Variants in KCNIP4 observed in about 807,000 individuals in gnomAD.
KCNIP4 encodes the protein potassium voltage-gated channel interacting protein 4.
KCNIP4 carries 12 observed loss-of-function variants against 34.0 expected under a neutral mutation model. That is an observed-to-expected ratio of 0.35 (90% confidence interval 0.23 to 0.57). The LOEUF (loss-of-function observed/expected upper bound fraction) is 0.57, where lower values mean the gene tolerates loss of function less well. KCNIP4 is among the 20% of genes least tolerant of loss of function. The pLI is 0.83. For synonymous variants in KCNIP4, 124 were observed against 102.2 expected (o/e 1.21, Z -1.29); for missense variants, 238 against 311.7 (o/e 0.76, Z 1.78).
chr4:20,768,415 T>C (rs1755600907), intron 3 of KCNIP4, among the ~76,000 whole-genome samples: 1 of 152,158 alleles, frequency 6.6e-6, no homozygotes, highest in South Asian at 2.1e-4. Flanking sequence ...AAAACACTTC[T>C]TATTTCAACA....
At chr4:20,754,111 A>G (rs190560414) in intron 4 of KCNIP4, among the ~76,000 whole-genome samples, 62 of 152,310 alleles carry the variant, frequency 4.1e-4, no homozygotes, top group Admixed American at 1.0e-3. Context: ...TTGTGTAACC[A>G]TATAGGCAAT....
At chr4:21,184,531 G>T (rs1158015741) in intron 1 of KCNIP4, among the ~76,000 whole-genome samples, 3 of 152,102 alleles carry the variant, frequency 2.0e-5, no homozygotes, top group Non-Finnish European at 4.4e-5. Flanking sequence ...TAATGAAGAC[G>T]AGAGATGGGA....
At chr4:21,631,320 A>C (rs1745752562) in intron 1 of KCNIP4, among the ~76,000 whole-genome samples, 1 of 152,194 alleles carries the variant, frequency 6.6e-6, no homozygotes, top group Non-Finnish European at 1.5e-5. Flanking sequence ...TATTTTAATT[A>C]ATGACATTTT....
At chr4:20,900,359 A>G (rs1484730067) in intron 1 of KCNIP4, among the ~76,000 whole-genome samples, 3 of 152,212 alleles carry the variant, frequency 2.0e-5, no homozygotes, top group Non-Finnish European at 4.4e-5. Flanking sequence ...GAGTGTGTAC[A>G]TTAACCTGGT....
intron 1 of KCNIP4, among the ~76,000 whole-genome samples, chr4:21,812,151 A>G (rs1194275384): frequency 6.6e-6 from 1 of 152,226 alleles, no homozygotes; most frequent in Non-Finnish European, 1.5e-5. Context: ...AGTTCTACAA[A>G]AAGAGGCTAC....
At chr4:21,764,622 G>A (rs928503323) in intron 1 of KCNIP4, among the ~76,000 whole-genome samples, 2 of 152,118 alleles carry the variant, frequency 1.3e-5, no homozygotes, top group African/African-American at 2.4e-5. Flanking sequence ...TGAGAGGGTG[G>A]TGATGGCTTT....
chr4:21,664,262 C>T (rs2108995338), intron 1 of KCNIP4, among the ~76,000 whole-genome samples: 1 of 152,188 alleles, frequency 6.6e-6, no homozygotes, highest in Admixed American at 6.5e-5. Flanking sequence ...CTTCTGATAC[C>T]TCTATTGCTA....
At chr4:21,912,760 T>C (rs1426224187) in intron 1 of KCNIP4, among the ~76,000 whole-genome samples, 2 of 151,510 alleles carry the variant, frequency 1.3e-5, no homozygotes, top group Non-Finnish European at 2.9e-5. Flanking sequence ...TGGTGCAAGA[T>C]GAAATGGAGA....
At chr4:20,980,205 G>C (rs1490210839) in intron 1 of KCNIP4, among the ~76,000 whole-genome samples, 1 of 152,212 alleles carries the variant, frequency 6.6e-6, no homozygotes, top group Non-Finnish European at 1.5e-5. Flanking sequence ...CAGAATGTAA[G>C]CTTGTTGAGG....
At chr4:21,628,606 G>A (rs1270219580) in intron 1 of KCNIP4, among the ~76,000 whole-genome samples, 1 of 152,048 alleles carries the variant, frequency 6.6e-6, no homozygotes, top group East Asian at 1.9e-4. Flanking sequence ...ATGTCACTTT[G>A]AAAAGTTCTG....
chr4:20,735,530 G>GTTTTTTTTTTTT (rs10542507), intron 5 of KCNIP4, among the ~76,000 whole-genome samples: 7 of 109,716 alleles, frequency 6.4e-5, no homozygotes, highest in South Asian at 3.0e-4. Flanking sequence ...TTTTTTTTTT[G>GTTTTTTTTTTTT]TTTTTTTTTT....
intron 5 of KCNIP4, among the ~76,000 whole-genome samples, chr4:20,743,507 C>T (rs887918413): frequency 6.6e-6 from 1 of 152,140 alleles, no homozygotes; most frequent in Non-Finnish European, 1.5e-5. Flanking sequence ...CTGACAGAAA[C>T]AAGCAATGGG....
chr4:21,147,956 A>AAAAAAAAAAAAAAAAAAAAAAAAAG (rs1553945843), intron 1 of KCNIP4, among the ~76,000 whole-genome samples: 34 of 128,396 alleles, frequency 2.6e-4, no homozygotes, highest in African/African-American at 4.3e-4. Context: ...AAAAAAAAAA[A>AAAAAAAAAAAAAAAAAAAAAAAAAG]AAAAGAAAAA....
intron 1 of KCNIP4, chr4:21,613,863 A>C (rs1359720603): frequency 2.6e-5 from 4 of 152,072 alleles, no homozygotes; most frequent in Non-Finnish European, 4.4e-5. Flanking sequence ...TCTGGTGGCC[A>C]GGCAAGTGCA....
chr4:21,498,499 T>C (rs1389191863), intron 1 of KCNIP4, among the ~76,000 whole-genome samples: 3 of 152,226 alleles, frequency 2.0e-5, no homozygotes, highest in African/African-American at 7.2e-5. Flanking sequence ...ACTAATTCAT[T>C]AATTAAATAA....
chr4:21,216,706 G>A (rs1211140482), intron 1 of KCNIP4, among the ~76,000 whole-genome samples: 2 of 152,108 alleles, frequency 1.3e-5, no homozygotes, highest in Non-Finnish European at 2.9e-5. Flanking sequence ...TCCCAGAGGA[G>A]TCACCATGCT....
intron 1 of KCNIP4, among the ~76,000 whole-genome samples, chr4:21,249,621 C>A (rs976796484): frequency 6.6e-6 from 1 of 152,198 alleles, no homozygotes; most frequent in Non-Finnish European, 1.5e-5. Context: ...CACTTCTTCT[C>A]TTTCCTCCTC....
rs137893875 is a variant in KCNIP4, at chr4:21,760,369, C to T, written c.61+188202G>A. On this transcript the variant is annotated intron_variant, in intron 1 of 8. Coordinates refer to ENST00000382152, the MANE Select transcript of KCNIP4 (RefSeq NM_025221.6). ...GAAAATGAGGGAAAACGCCCAATCC[C>T]ACGCCTACAAATTCATGCTGCTAAT... Among the ~76,000 whole-genome samples, 1,342 of 152,192 alleles carry T rather than the reference C, an allele frequency of 8.8e-3. 24 individuals are homozygous for T. Among genetic ancestry groups the T allele is most frequent in the African/African-American group, 0.031 (1,279 of 41,532 alleles).
intron 1 of KCNIP4, among the ~76,000 whole-genome samples, chr4:21,021,339 T>G (rs994997712): frequency 6.6e-6 from 1 of 152,210 alleles, no homozygotes; most frequent in Non-Finnish European, 1.5e-5. Context: ...TTATAAACAT[T>G]GAAGACTTTA....
Sources: allele counts gnomAD v4.1 joint callset (sites outside exome capture counted in the v4.1 genomes callset), GRCh38; gene constraint gnomAD v4.1.1; transcripts MANE v1.5; gene names NCBI Gene and HGNC (gene_info 2026-07-23, HGNC 2026-07-21).